The following KIAA1328 variants were observed in gnomAD, a reference collection of about 807,000 sequenced individuals.
The protein encoded by KIAA1328 is protein hinderin.
Under a neutral mutation model 68.1 loss-of-function variants are expected in KIAA1328, and 52 were observed. The observed-to-expected ratio is 0.76, with a 90% CI of 0.61 to 0.96. KIAA1328 has a LOEUF of 0.96. Among genes scored for constraint, KIAA1328 ranks in the 40% least tolerant of loss-of-function variants. The pLI, the probability that KIAA1328 is intolerant of heterozygous loss-of-function variation, is 0.00. For synonymous variants in KIAA1328, 232 were observed against 239.4 expected, an observed-to-expected ratio of 0.97 and a Z score of 0.28; for missense variants, 641 against 677.6, an observed-to-expected ratio of 0.95 and a Z score of 0.60.
At chr18:37,193,177 A>T (rs1021876189) in intron 9 of KIAA1328, among the ~76,000 whole-genome samples, 1 of 152,158 alleles carries the variant, frequency 6.6e-6, no homozygotes, top group African/African-American at 2.4e-5. Context: ...TATATTAATG[A>T]TAATATGTAT....
In KIAA1328 at chr18:37,105,916, C is replaced by CAA. The variant is rs58940699; in HGVS notation, c.1232+38399_1232+38400dup. On this transcript the variant is annotated intron_variant, in intron 7 of 9. Transcript: ENST00000280020. The stretch of plus-strand genomic sequence containing the variant: ...TGGTTGACAGAGCAAGACTCTGTGT[C>CAA]AAAAAAAAAAAAAAAAAAAAAAAAA... Among the ~76,000 whole-genome samples the CAA allele has an allele frequency of 8.0e-3, 156 of 19,472 alleles. 28 individuals carry two copies. The highest frequency in any genetic ancestry group is 0.063 in the South Asian group (24 of 382). The allele number at this position is 19,472 out of a possible 152,430, so 12.8% of individuals were successfully genotyped here. A position where few individuals can be genotyped will look rare whatever the true frequency, so the allele number is the denominator to read the frequency against.
At chr18:37,078,623 A>T (rs1470025717) in intron 7 of KIAA1328, among the ~76,000 whole-genome samples, 10 of 147,182 alleles carry the variant, frequency 6.8e-5, no homozygotes, top group African/African-American at 1.8e-4. Flanking sequence ...GAACTCAAAC[A>T]AATTTACAAG....
chr18:37,053,711 T>C (rs1031249104), intron 6 of KIAA1328, among the ~76,000 whole-genome samples: 2 of 152,084 alleles, frequency 1.3e-5, no homozygotes, highest in Non-Finnish European at 2.9e-5. Context: ...AACATATCCT[T>C]CTTCACGATC....
chr18:37,119,274 C>T (rs1322742863), intron 7 of KIAA1328, among the ~76,000 whole-genome samples: 2 of 151,998 alleles, frequency 1.3e-5, no homozygotes, highest in Non-Finnish European at 2.9e-5. Context: ...GGAGATAAAG[C>T]TTGAATGAAT....
intron 7 of KIAA1328, among the ~76,000 whole-genome samples, chr18:37,115,859 A>G (rs1278321456): frequency 6.6e-6 from 1 of 152,224 alleles, no homozygotes; most frequent in Non-Finnish European, 1.5e-5. Context: ...AAGCATTCCT[A>G]TACAGCAATA....
intron 7 of KIAA1328, among the ~76,000 whole-genome samples, chr18:37,158,818 T>G (rs1406210318): frequency 7.9e-5 from 12 of 151,982 alleles, no homozygotes. Flanking sequence ...TGAATCAAAT[T>G]TGGGGAAGCC....
At chr18:37,215,139 T>C (rs2060402286) in intron 9 of KIAA1328, among the ~76,000 whole-genome samples, 1 of 152,204 alleles carries the variant, frequency 6.6e-6, no homozygotes, top group South Asian at 2.1e-4. Context: ...GAATACCCTT[T>C]ATTTCTTTCT....
intron 8 of KIAA1328, among the ~76,000 whole-genome samples, chr18:37,163,825 G>T (rs1193223010): frequency 6.6e-6 from 1 of 152,054 alleles, no homozygotes; most frequent in Non-Finnish European, 1.5e-5. Flanking sequence ...ATCCATAAGG[G>T]TACCTTAAGA....
intron 6 of KIAA1328, among the ~76,000 whole-genome samples, chr18:36,976,525 G>A (rs889494873): frequency 1.3e-5 from 2 of 152,056 alleles, no homozygotes; most frequent in African/African-American, 4.8e-5. Context: ...TTCTTTTTTA[G>A]TGACTTAGCC....
intron 4 of KIAA1328, among the ~76,000 whole-genome samples, chr18:36,871,742 G>A (rs1417580524): frequency 2.0e-5 from 3 of 152,002 alleles, no homozygotes; most frequent in African/African-American, 7.2e-5. Flanking sequence ...GAGAGCTAAG[G>A]TTGAAGGGCA....
chr18:37,013,924 G>A (rs1167780866), intron 6 of KIAA1328, among the ~76,000 whole-genome samples: 1 of 152,238 alleles, frequency 6.6e-6, no homozygotes, highest in Non-Finnish European at 1.5e-5. Context: ...TCTCCAGACT[G>A]CTTTCTACAG....
At chr18:37,228,500 G>C (rs2060650593), downstream of KIAA1328, among the ~76,000 whole-genome samples, 2 of 152,042 alleles carry the variant, frequency 1.3e-5, no homozygotes, top group African/African-American at 4.8e-5. Context: ...CAACATCAAG[G>C]CAAGACCCTC....
chr18:37,081,915 A>G lies in KIAA1328; in HGVS notation c.1232+14370A>G, dbSNP rs1030485149. On this transcript the variant is annotated intron_variant, in intron 7 of 9. Transcript: ENST00000280020. ...TTTTTCACATAACTAATAATTTGTT[A>G]TTGAATATGTCCAAAATCAGCACCT... is the stretch of plus-strand genomic sequence containing the variant. Among the ~76,000 whole-genome samples, 236 of 152,244 alleles carry G rather than the reference A, an allele frequency of 1.6e-3. 1 individual carries two copies. The highest frequency in any genetic ancestry group is 5.4e-3 in the African/African-American group (224 of 41,546).
At chr18:37,167,071 G>T (rs1051840627) in intron 8 of KIAA1328, among the ~76,000 whole-genome samples, 3 of 152,184 alleles carry the variant, frequency 2.0e-5, no homozygotes, top group Admixed American at 6.5e-5. Context: ...AATGGGAAAA[G>T]TTCCCCTATC....
chr18:36,910,881 C>G (rs894028316), intron 5 of KIAA1328, among the ~76,000 whole-genome samples: 2 of 151,984 alleles, frequency 1.3e-5, no homozygotes, highest in South Asian at 2.1e-4. Context: ...TCTTGCTTTT[C>G]TGTCATCGTC....
intron 7 of KIAA1328, among the ~76,000 whole-genome samples, chr18:37,082,166 A>ATT (rs34106395): frequency 0.21 from 20,578 of 100,224 alleles, 2,699 homozygotes; most frequent in African/African-American, 0.43. Context: ...TGCCCCAAGG[A>ATT]TTTTTTTTTT....
intron 4 of KIAA1328, among the ~76,000 whole-genome samples, chr18:36,871,023 C>T (rs1445854020): frequency 6.6e-6 from 1 of 152,186 alleles, no homozygotes; most frequent in Non-Finnish European, 1.5e-5. Context: ...GGGGCTCACA[C>T]CTGTATTTTC....
intron 9 of KIAA1328, among the ~76,000 whole-genome samples, chr18:37,212,564 T>C (rs958672656): frequency 6.6e-6 from 1 of 152,098 alleles, no homozygotes; most frequent in Non-Finnish European, 1.5e-5. Context: ...GCATGAAGGG[T>C]AATAGTAATA....
At chr18:36,897,171 A>C (rs1466666395) in intron 5 of KIAA1328, among the ~76,000 whole-genome samples, 2 of 151,988 alleles carry the variant, frequency 1.3e-5, no homozygotes, top group Non-Finnish European at 2.9e-5. Context: ...ATCTTCCCCC[A>C]GTTTTATTAT....
Sources: allele counts gnomAD v4.1 joint callset (sites outside exome capture counted in the v4.1 genomes callset), GRCh38; gene constraint gnomAD v4.1.1; transcripts MANE v1.5; gene names NCBI Gene and HGNC (gene_info 2026-07-23, HGNC 2026-07-21).